The following NUBPL variants were observed in gnomAD, a reference collection of about 807,000 sequenced individuals.
NUBPL encodes the protein iron-sulfur cluster transfer protein NUBPL.
In NUBPL, 31 loss-of-function variants were observed where a neutral mutation model predicts 45.7. The ratio of observed to expected loss-of-function variants is 0.68; its 90% CI spans 0.51 to 0.92. NUBPL has a LOEUF of 0.92. Ranked by LOEUF, NUBPL falls within the 40% of genes least tolerant of loss-of-function variation. The probability of loss-of-function intolerance (pLI) is 0.00; values close to 1 mark genes in which losing one functional copy is unlikely to be tolerated. For synonymous variants in NUBPL, 144 were observed against 140.9 expected, an observed-to-expected ratio of 1.02 and a Z score of -0.15; for missense variants, 401 against 398.7, an observed-to-expected ratio of 1.01 and a Z score of -0.05.
chr14:31,663,989 C>A (rs1433296566), intron 4 of NUBPL, among the ~76,000 whole-genome samples: 1 of 152,092 alleles, frequency 6.6e-6, no homozygotes, highest in Non-Finnish European at 1.5e-5. Flanking sequence ...ATTTTATGTT[C>A]TTTATAGCAA....
intron 6 of NUBPL, among the ~76,000 whole-genome samples, chr14:31,781,234 A>G (rs1312385650): frequency 6.6e-6 from 1 of 152,258 alleles, no homozygotes; most frequent in East Asian, 1.9e-4. Flanking sequence ...AGAAAGTTAC[A>G]TGAATGTAAA....
chr14:31,767,702 T>C (rs2038938446), intron 6 of NUBPL, among the ~76,000 whole-genome samples: 1 of 139,260 alleles, frequency 7.2e-6, no homozygotes, highest in Non-Finnish European at 1.5e-5. Context: ...TTTATTTTGT[T>C]TTGTGTTTTT....
chr14:31,800,588 T>TA (rs1304436031), intron 7 of NUBPL, among the ~76,000 whole-genome samples: 1 of 152,172 alleles, frequency 6.6e-6, no homozygotes, highest in East Asian at 1.9e-4. Flanking sequence ...CTTCAATTTG[T>TA]AAAAAATGCA....
In NUBPL at chr14:31,662,927, C is replaced by T. The variant is rs555974557; in HGVS notation, c.383-10428C>T. Reference sequence around the variant, plus strand: ...TGCTGTTTCCTGACTTTTTAATGATCGCCATTCTAACTCACATGAGATGCT... The same window carrying T: ...TGCTGTTTCCTGACTTTTTAATGATTGCCATTCTAACTCACATGAGATGCT... On this transcript the variant is annotated intron_variant, in intron 4 of 10. Coordinates refer to ENST00000281081, the MANE Select transcript of NUBPL (RefSeq NM_025152.3). Among the ~76,000 whole-genome samples, 306 of 152,266 alleles carry T rather than the reference C, an allele frequency of 2.0e-3. 1 individual carries two copies. Among genetic ancestry groups the T allele is most frequent in the African/African-American group, 6.7e-3 (279 of 41,572 alleles).
chr14:31,793,669 G>C (rs79788584), intron 7 of NUBPL, among the ~76,000 whole-genome samples: 1 of 152,102 alleles, frequency 6.6e-6, no homozygotes, highest in East Asian at 1.9e-4. Flanking sequence ...AACTAGGCTG[G>C]AAGCTGCTTG....
intron 6 of NUBPL, among the ~76,000 whole-genome samples, chr14:31,768,280 C>G (rs1041324472): frequency 1.3e-5 from 2 of 152,184 alleles, no homozygotes; most frequent in Admixed American, 1.3e-4. Context: ...GCCTACTTTA[C>G]CTAAGGCTTT....
intron 4 of NUBPL, among the ~76,000 whole-genome samples, chr14:31,623,246 C>G (rs1486417223): frequency 6.6e-6 from 1 of 152,194 alleles, no homozygotes; most frequent in Admixed American, 6.5e-5. Flanking sequence ...GCCAGTACCC[C>G]CATTGTATCT....
intron 3 of NUBPL, among the ~76,000 whole-genome samples, chr14:31,582,179 A>G (rs935361745): frequency 1.1e-4 from 16 of 152,098 alleles, no homozygotes; most frequent in African/African-American, 3.9e-4. Flanking sequence ...ATTTTATCAT[A>G]GTAGGGACAA....
rs2038014867 is a variant in NUBPL at position 31,730,012 on chromosome 14, A to G, written c.513+56438A>G. Among the ~76,000 whole-genome samples, 6 of 152,282 alleles carry G rather than the reference A, an allele frequency of 3.9e-5. No individual in the cohort carries two copies. In the South Asian group the frequency reaches 1.0e-3, roughly 26 times the overall value. On this transcript the variant is annotated intron_variant, in intron 6 of 10. Transcript: ENST00000281081. The stretch of plus-strand genomic sequence containing the variant: ...CTAGTAGATCCTTTTTATTAAGTTA[A>G]GGGTGTTTCCTTTATTCCCAGTTTA...
chr14:31,632,432 C>G (rs1293651239), intron 4 of NUBPL, among the ~76,000 whole-genome samples: 1 of 152,158 alleles, frequency 6.6e-6, no homozygotes, highest in Non-Finnish European at 1.5e-5. Flanking sequence ...GCTTTTGAGG[C>G]AGTCTGTATA....
intron 6 of NUBPL, among the ~76,000 whole-genome samples, chr14:31,748,266 G>A (rs1272595491): frequency 6.6e-6 from 1 of 152,176 alleles, no homozygotes; most frequent in Non-Finnish European, 1.5e-5. Context: ...AGAAGAATGT[G>A]TATTCTGCAG....
At chr14:31,736,160 A>G (rs1413650618) in intron 6 of NUBPL, among the ~76,000 whole-genome samples, 1 of 152,236 alleles carries the variant, frequency 6.6e-6, no homozygotes, top group South Asian at 2.1e-4. Context: ...TTTTAAATAT[A>G]TAAAGCCAAA....
At chr14:31,585,238 T>TA (rs372827052) in intron 3 of NUBPL, among the ~76,000 whole-genome samples, 31 of 152,112 alleles carry the variant, frequency 2.0e-4, no homozygotes, top group East Asian at 1.9e-3. Context: ...TTGATGAACT[T>TA]AAAAAAAATC....
At chr14:31,714,202 T>G (rs1255842027) in intron 6 of NUBPL, among the ~76,000 whole-genome samples, 1 of 152,192 alleles carries the variant, frequency 6.6e-6, no homozygotes, top group Admixed American at 6.5e-5. Context: ...GTTTTGTTCT[T>G]CCTCTTTCTT....
chr14:31,648,538 G>A (rs2035916396), intron 4 of NUBPL, among the ~76,000 whole-genome samples: 1 of 152,168 alleles, frequency 6.6e-6, no homozygotes, highest in African/African-American at 2.4e-5. Context: ...TATAGTCGTG[G>A]TGATATTACA....
At chr14:31,818,366 A>C (rs1265671044) in intron 7 of NUBPL, among the ~76,000 whole-genome samples, 2 of 152,214 alleles carry the variant, frequency 1.3e-5, no homozygotes, top group African/African-American at 4.8e-5. Flanking sequence ...TCTTCTTAGC[A>C]CCACATCGCA....
chr14:31,846,155 TC>T (rs1185851452), intron 8 of NUBPL: 2 of 342,154 alleles, frequency 5.8e-6, no homozygotes, highest in Admixed American at 4.3e-5. Context: ...GGGCCTCACC[TC>T]CTCATCACCC....
intron 6 of NUBPL, among the ~76,000 whole-genome samples, chr14:31,722,980 C>T (rs528302361): frequency 1.3e-5 from 2 of 152,132 alleles, no homozygotes; most frequent in Non-Finnish European, 2.9e-5. Flanking sequence ...GCTTTTGTTG[C>T]AATTGCTGTT....
At chr14:31,693,166 A>T in intron 6 of NUBPL, among the ~76,000 whole-genome samples, 1 of 152,180 alleles carries the variant, frequency 6.6e-6, no homozygotes, top group Non-Finnish European at 1.5e-5. Flanking sequence ...CTCTTAAAAT[A>T]GTTCACTTTA....
Sources: gnomAD v4.1 joint callset for allele counts (sites outside exome capture counted in the v4.1 genomes callset) on GRCh38, gnomAD v4.1.1 for gene constraint, MANE v1.5 for transcripts, NCBI Gene and HGNC (gene_info 2026-07-23, HGNC 2026-07-21) for gene names.